The following BIRC6 variants were observed in gnomAD, a reference collection of about 807,000 sequenced individuals.
BIRC6 encodes the protein dual E2 ubiquitin-conjugating enzyme/E3 ubiquitin-protein ligase BIRC6.
In BIRC6, 98 loss-of-function variants were observed where a neutral mutation model predicts 503.3. That is an observed-to-expected ratio of 0.19 (90% CI 0.17 to 0.23). The LOEUF is 0.23. BIRC6 is among the 10% of genes least tolerant of loss of function. BIRC6 has a pLI of 1.00. For synonymous variants in BIRC6, 2,240 were observed against 2,078.7 expected, an observed-to-expected ratio of 1.08 and a Z score of -2.11; for missense variants, 5,360 against 5,806.0, an observed-to-expected ratio of 0.92 and a Z score of 2.50.
chr2:32,471,044 T>A lies in BIRC6; in HGVS notation c.6512T>A (p.Val2171Asp). ...GVLDIPMISW[V>D]VMLVSRLLDY... is the part of the protein sequence containing the mutation. The stretch of plus-strand genomic sequence containing the variant: ...CTAGATATTCCCATGATCAGTTGGG[T>A]TGTTATGCTGGTGTCCAGGTTGCTG... Residue 2171 changes from valine to aspartate, a missense_variant, in exon 32 of 74, where the codon GTT becomes GAT. Coordinates refer to ENST00000421745, the MANE Select transcript of BIRC6 (RefSeq NM_016252.4). 6.3e-7 allele frequency: 1 copy of A among 1,579,766 alleles called. No homozygotes were observed. Among genetic ancestry groups the A allele is most frequent in the Non-Finnish European group, 8.6e-7 (1 of 1,160,670 alleles).
chr2:32,416,539 C>T (rs1248089980), intron 10 of BIRC6, among the ~76,000 whole-genome samples: 2 of 151,674 alleles, frequency 1.3e-5, no homozygotes, highest in Non-Finnish European at 2.9e-5. Context: ...AAGTCCATTT[C>T]CTAGGCTTAT....
At chr2:32,385,099 A>T (rs573303668) in intron 3 of BIRC6, among the ~76,000 whole-genome samples, 1 of 152,208 alleles carries the variant, frequency 6.6e-6, no homozygotes, top group South Asian at 2.1e-4. Flanking sequence ...CTGAAGTTCT[A>T]TCTATTGAGA....
chr2:32,555,685 A>C (rs1156365078), intron 65 of BIRC6, among the ~76,000 whole-genome samples: 1 of 151,982 alleles, frequency 6.6e-6, no homozygotes, highest in East Asian at 1.9e-4. Flanking sequence ...TAATTAGAGT[A>C]GCAGGCCAGG....
intron 12 of BIRC6, 76 bp downstream of exon 12, chr2:32,431,166 T>A: frequency 1.8e-6 from 1 of 554,866 alleles, no homozygotes; most frequent in South Asian, 2.8e-5. Flanking sequence ...AATTCCTAGG[T>A]ATATTACTGT....
intron 65 of BIRC6, chr2:32,564,228 A>T (rs1286535922): frequency 6.6e-6 from 1 of 152,212 alleles, no homozygotes; most frequent in Non-Finnish European, 1.5e-5. Context: ...ATCATATAAT[A>T]TGTGGTCTTT....
chr2:32,512,916 C>T lies in BIRC6; in HGVS notation c.10347-17C>T, dbSNP rs368180936. ...CACTATATAGTTGGTTATATGAATT[C>T]GTTTTCTTCGTTTAAGAATTCAGGC... is the stretch of plus-strand genomic sequence containing the variant. On this transcript the variant is annotated splice_polypyrimidine_tract_variant and intron_variant, in intron 53 of 73. Transcript: ENST00000421745. 6.5e-5 allele frequency: 104 copies of T among 1,608,482 alleles called. No individual in the cohort carries two copies. Among genetic ancestry groups the T allele is most frequent in the East Asian group, 1.3e-4 (6 of 44,824 alleles).
intron 13 of BIRC6, among the ~76,000 whole-genome samples, chr2:32,434,399 C>G (rs1313584583): frequency 6.6e-6 from 1 of 152,088 alleles, no homozygotes; most frequent in African/African-American, 2.4e-5. Context: ...GAAAATTTTC[C>G]TTTTTGAAAA....
At chr2:32,452,385 A>T (rs1558765891) in intron 22 of BIRC6, among the ~76,000 whole-genome samples, 1 of 152,166 alleles carries the variant, frequency 6.6e-6, no homozygotes, top group East Asian at 1.9e-4. Flanking sequence ...AAATGAATTA[A>T]TATTTAAATT....
chr2:32,464,213 T>C (rs1286346752), intron 24 of BIRC6, among the ~76,000 whole-genome samples: 1 of 152,202 alleles, frequency 6.6e-6, no homozygotes, highest in African/African-American at 2.4e-5. Flanking sequence ...CAACTCCTTA[T>C]AATATTTTGT....
chr2:32,414,386 G>A (rs2042205754), intron 9 of BIRC6, among the ~76,000 whole-genome samples: 1 of 152,058 alleles, frequency 6.6e-6, no homozygotes, highest in Non-Finnish European at 1.5e-5. Context: ...ATTTTTTTAG[G>A]CCAGGCGTGG....
At chr2:32,556,047 T>C (rs1217370168) in intron 65 of BIRC6, among the ~76,000 whole-genome samples, 2 of 152,148 alleles carry the variant, frequency 1.3e-5, no homozygotes, top group Non-Finnish European at 2.9e-5. Flanking sequence ...ATTAAAACAC[T>C]TGCCTATGTT....
Position 32,433,732 on chromosome 2 carries a change from A to G in BIRC6, c.3337A>G (p.Asn1113Asp), listed in dbSNP as rs748185131. ...HVDFKFVLNS[N>D]ITNIPQIQVT... is the part of the protein sequence containing the mutation. ...GGACTTCAAATTCGTTTTGAACTCA[A>G]ACATCACCAATATTCCACAGATACA... The change falls in exon 13 of 74, where the codon AAC (asparagine) becomes GAC (aspartate). Residue 1113 changes from asparagine (N) to aspartate (D), a missense_variant. This residue lies in a region of BIRC6 where 2,299 missense variants were observed against 2,267.2 expected (regional missense o/e 1.01). Coordinates refer to ENST00000421745, the MANE Select transcript of BIRC6 (RefSeq NM_016252.4). 2 of 1,603,594 alleles carry G rather than the reference A, an allele frequency of 1.2e-6. No individual in the cohort carries two copies. Among genetic ancestry groups the G allele is most frequent in the African/African-American group, 1.3e-5 (1 of 74,856 alleles).
intron 1 of BIRC6, among the ~76,000 whole-genome samples, chr2:32,366,206 A>G (rs1025914700): frequency 6.6e-6 from 1 of 152,202 alleles, no homozygotes; most frequent in Non-Finnish European, 1.5e-5. Flanking sequence ...TTACCTATGT[A>G]TGTGAGAAAG....
At chr2:32,481,686 A>T (rs796893526) in intron 38 of BIRC6, among the ~76,000 whole-genome samples, 17 of 152,142 alleles carry the variant, frequency 1.1e-4, no homozygotes, top group African/African-American at 3.9e-4. Flanking sequence ...GAATGGCATG[A>T]ACCCATGAGG....
chr2:32,410,859 C>G (rs1299848609), intron 9 of BIRC6, among the ~76,000 whole-genome samples: 1 of 151,906 alleles, frequency 6.6e-6, no homozygotes, highest in Non-Finnish European at 1.5e-5. Flanking sequence ...CGCCAGCACG[C>G]CCGGCTAAAT....
At chr2:32,369,994 G>GTGTGTGTATATA (rs2035675181) in intron 1 of BIRC6, among the ~76,000 whole-genome samples, 1 of 99,674 alleles carries the variant, frequency 1.0e-5, no homozygotes, top group Non-Finnish European at 1.9e-5. Flanking sequence ...ATGTATGTAT[G>GTGTGTGTATATA]TATGTGTGTG....
intron 37 of BIRC6, 125 bp from the exon 38 acceptor site, chr2:32,481,195 T>TA: frequency 1.2e-6 from 1 of 807,942 alleles, no homozygotes; most frequent in Non-Finnish European, 1.8e-6. Flanking sequence ...TTTGCATACA[T>TA]AGAGTTTTTT....
Position 32,479,432 on chromosome 2 carries a change from A to G in BIRC6, c.7253-30A>G, listed in dbSNP as rs369769066. On this transcript the variant is annotated intron_variant, in intron 36 of 73. Transcript: ENST00000421745. ...TACATTTTCGAAATCTGTATAAATT[A>G]TTAAAACAGGACTATCCCCTTACAT... 20 of 1,565,036 alleles carry G rather than the reference A, an allele frequency of 1.3e-5. No homozygotes were observed. The African/African-American group carries it at 2.6e-4, about 20-fold the overall frequency.
chr2:32,410,780 A>G lies in BIRC6; in HGVS notation c.1478-3989A>G, dbSNP rs113274160. Among the ~76,000 whole-genome samples the G allele has an allele frequency of 5.4e-3, 811 of 151,302 alleles. 8 individuals are homozygous for G. Among genetic ancestry groups the G allele is most frequent in the Middle Eastern group, 0.017 (5 of 294 alleles). ...CAGTGGCGCGATCTCGGCTCACTGC[A>G]AGCTCCGCCTCCCGGGTTCACGCCA... On this transcript the variant is annotated intron_variant, in intron 9 of 73. Coordinates refer to ENST00000421745, the MANE Select transcript of BIRC6 (RefSeq NM_016252.4).
Sources: allele counts gnomAD v4.1 joint callset (sites outside exome capture counted in the v4.1 genomes callset), GRCh38; gene constraint gnomAD v4.1.1; regional missense constraint gnomAD v4.1.1; transcripts MANE v1.5; gene names NCBI Gene and HGNC (gene_info 2026-07-23, HGNC 2026-07-21).